Variants in IL1RAPL2 observed in about 807,000 individuals in gnomAD.
IL1RAPL2 encodes the protein interleukin 1 receptor accessory protein like 2.
IL1RAPL2 carries 3 observed loss-of-function variants against 44.1 expected under a neutral mutation model. That is an observed-to-expected ratio of 0.07 (90% CI 0.03 to 0.18). The LOEUF is 0.18. Among genes scored for constraint, IL1RAPL2 ranks in the 10% least tolerant of loss-of-function variants. The pLI, the probability that IL1RAPL2 is intolerant of heterozygous loss-of-function variation, is 1.00. For synonymous variants in IL1RAPL2, 181 were observed against 178.8 expected (o/e 1.01, Z -0.10); for missense variants, 391 against 496.4 (o/e 0.79, Z 2.02).
At chrX:105,675,075 G>A (rs2037858687) in intron 6 of IL1RAPL2, among the ~76,000 whole-genome samples, 1 of 110,762 alleles carries the variant, frequency 9.0e-6, no homozygotes, top group South Asian at 3.9e-4. Flanking sequence ...AGACGATGGG[G>A]TTTTCTAGAT....
chrX:105,239,335 C>G, intron 4 of IL1RAPL2, among the ~76,000 whole-genome samples: 1 of 111,839 alleles, frequency 8.9e-6, no homozygotes, highest in Non-Finnish European at 1.9e-5. Flanking sequence ...ATAAGGGATA[C>G]ATTTCTAATT....
chrX:105,601,077 A>ATAT (rs771193806), intron 6 of IL1RAPL2, among the ~76,000 whole-genome samples: 90 of 111,608 alleles, frequency 8.1e-4, no homozygotes, highest in African/African-American at 2.7e-3. Flanking sequence ...GCATTTTCAT[A>ATAT]TATTTTGTCC....
intron 5 of IL1RAPL2, among the ~76,000 whole-genome samples, chrX:105,291,708 A>G (rs907305263): frequency 9.0e-6 from 1 of 111,296 alleles, no homozygotes; most frequent in East Asian, 2.8e-4. Flanking sequence ...ATATCCTTCC[A>G]TAAATATTCT....
intron 2 of IL1RAPL2, among the ~76,000 whole-genome samples, chrX:105,138,473 C>CAAAAAAAAAAAAAAAAA: frequency 1.8e-5 from 1 of 54,479 alleles, no homozygotes; most frequent in African/African-American, 6.9e-5. Context: ...ATATAATTAC[C>CAAAAAAAAAAAAAAAAA]AAAAAAAAAA....
At chrX:105,411,826 A>G (rs2035698364) in intron 5 of IL1RAPL2, among the ~76,000 whole-genome samples, 1 of 112,125 alleles carries the variant, frequency 8.9e-6, no homozygotes, top group Non-Finnish European at 1.9e-5. Context: ...TTTACAGAAC[A>G]TTCCAATAAA....
At chrX:105,163,297 G>A (rs1488024746) in intron 2 of IL1RAPL2, among the ~76,000 whole-genome samples, 2 of 111,655 alleles carry the variant, frequency 1.8e-5, no homozygotes, top group Admixed American at 9.6e-5. Context: ...AGCCTCCCTC[G>A]CTTTTGCCAT....
At chrX:105,299,710 C>A (rs1171948575) in intron 5 of IL1RAPL2, among the ~76,000 whole-genome samples, 3 of 111,828 alleles carry the variant, frequency 2.7e-5, no homozygotes, top group South Asian at 3.7e-4. Flanking sequence ...CCTATAGGAA[C>A]AATGGGGTGC....
intron 5 of IL1RAPL2, among the ~76,000 whole-genome samples, chrX:105,272,916 A>G (rs898779621): frequency 3.6e-5 from 4 of 112,069 alleles, no homozygotes; most frequent in African/African-American, 6.5e-5. Context: ...GCTGGAAAAC[A>G]CACTTTTTGT....
intron 2 of IL1RAPL2, among the ~76,000 whole-genome samples, chrX:104,931,844 T>G (rs916510989): frequency 7.3e-5 from 8 of 109,805 alleles, no homozygotes; most frequent in Non-Finnish European, 1.5e-4. Context: ...AGCTTTAACT[T>G]TACTTAAACA....
At chrX:105,071,963 T>C (rs1410161548) in intron 2 of IL1RAPL2, among the ~76,000 whole-genome samples, 1 of 112,041 alleles carries the variant, frequency 8.9e-6, no homozygotes. Flanking sequence ...TGAGCAAAGA[T>C]TGTTTTGGAG....
In IL1RAPL2 at chrX:105,114,678, G is replaced by T. The variant is rs1310355938; in HGVS notation, c.83-80797G>T. 5.4e-5 allele frequency among the ~76,000 whole-genome samples: 6 copies of T among 111,808 alleles called. No homozygotes were observed. In the South Asian group the frequency reaches 1.5e-3, roughly 28 times the overall value. ...TCCCCAAAAACTTTACTAATGGCTAGGCTGGGAATTTACAGGTTCTCCAAA... is the reference window on the plus strand; with the variant it reads ...TCCCCAAAAACTTTACTAATGGCTATGCTGGGAATTTACAGGTTCTCCAAA... On this transcript the variant is annotated intron_variant, in intron 2 of 10. Transcript: ENST00000372582.
chrX:104,843,218 C>A (rs751696147), intron 2 of IL1RAPL2, among the ~76,000 whole-genome samples: 1 of 111,935 alleles, frequency 8.9e-6, no homozygotes, highest in African/African-American at 3.2e-5. Context: ...GGGAAAACCA[C>A]TTACTAAAGT....
chrX:104,913,794 C>G (rs780167600), intron 2 of IL1RAPL2, among the ~76,000 whole-genome samples: 1 of 111,817 alleles, frequency 8.9e-6, no homozygotes, highest in Non-Finnish European at 1.9e-5. Flanking sequence ...TTGCAACATG[C>G]AAAACAGTAA....
chrX:104,730,372 T>TCCCC, intron 2 of IL1RAPL2, among the ~76,000 whole-genome samples: 1 of 31,987 alleles, frequency 3.1e-5, no homozygotes, highest in Non-Finnish European at 6.4e-5. Context: ...ATCCCTCCCC[T>TCCCC]CCCCCCCACC....
intron 7 of IL1RAPL2, among the ~76,000 whole-genome samples, chrX:105,732,545 G>C (rs776429938): frequency 9.0e-6 from 1 of 111,126 alleles, no homozygotes; most frequent in African/African-American, 3.3e-5. Context: ...AAAGCTGCCT[G>C]AGGGCTCCCC....
chrX:104,800,603 C>G, intron 2 of IL1RAPL2, among the ~76,000 whole-genome samples: 1 of 112,431 alleles, frequency 8.9e-6, no homozygotes, highest in Non-Finnish European at 1.9e-5. Context: ...AGAGGTATGA[C>G]TAATGATATG....
intron 2 of IL1RAPL2, among the ~76,000 whole-genome samples, chrX:104,904,628 G>T (rs1210840127): frequency 4.5e-5 from 5 of 109,921 alleles, no homozygotes; most frequent in African/African-American, 1.7e-4. Flanking sequence ...CAAAGGACAT[G>T]AACTCATCCT....
intron 2 of IL1RAPL2, among the ~76,000 whole-genome samples, chrX:105,180,344 C>CAAAAAAAAAAAAA (rs1447517527): frequency 3.0e-5 from 3 of 100,818 alleles, no homozygotes; most frequent in African/African-American, 1.2e-4. Context: ...TCTCAAAAAA[C>CAAAAAAAAAAAAA]AAAAACAAAA....
intron 9 of IL1RAPL2, chrX:105,752,828 G>A (rs2038607360): frequency 3.6e-6 from 1 of 281,097 alleles, no homozygotes; most frequent in South Asian, 3.4e-5. Flanking sequence ...TGGTATCCTA[G>A]AGCTTTTGGG....
Sources: gnomAD v4.1 joint callset for allele counts (sites outside exome capture counted in the v4.1 genomes callset) on GRCh38, gnomAD v4.1.1 for gene constraint, MANE v1.5 for transcripts, NCBI Gene and HGNC (gene_info 2026-07-23, HGNC 2026-07-21) for gene names.